RBM25: variants seen among roughly 807,000 people sequenced by gnomAD.
RBM25 encodes RNA-binding protein 25.
Under a neutral mutation model 120.7 loss-of-function variants are expected in RBM25, and 19 were observed. That is an observed-to-expected ratio of 0.16 (90% CI 0.11 to 0.23). The LOEUF (loss-of-function observed/expected upper bound fraction) is 0.23, where lower values mean the gene tolerates loss of function less well. Among genes scored for constraint, RBM25 ranks in the 10% least tolerant of loss-of-function variants. The probability of loss-of-function intolerance (pLI) is 1.00; values close to 1 mark genes in which losing one functional copy is unlikely to be tolerated. For synonymous variants in RBM25, 390 were observed against 326.7 expected, an observed-to-expected ratio of 1.19 and a Z score of -2.09; for missense variants, 605 against 1,041.5, an observed-to-expected ratio of 0.58 and a Z score of 5.77.
At chr14:73,068,409 T>G in intron 1 of RBM25, 1 of 639,494 alleles carries the variant, frequency 1.6e-6, no homozygotes, top group Non-Finnish European at 2.8e-6. Context: ...TTTTTTTGGT[T>G]CATTTACAGG....
intron 1 of RBM25, among the ~76,000 whole-genome samples, chr14:73,070,704 T>C (rs556304453): frequency 6.6e-6 from 1 of 152,170 alleles, no homozygotes; most frequent in African/African-American, 2.4e-5. Context: ...ATCCTAGCGC[T>C]TTGGGAAGCT....
At chr14:73,119,269 G>GTT (rs375862858) in intron 18 of RBM25, among the ~76,000 whole-genome samples, 1 of 151,382 alleles carries the variant, frequency 6.6e-6, no homozygotes, top group South Asian at 2.1e-4. Flanking sequence ...AAACTTTTTT[G>GTT]TTTTTTTTGT....
In RBM25 at chr14:73,112,105, T is replaced by A. The variant is rs113062319; in HGVS notation, c.2293-47T>A. The A allele has an allele frequency of 2.7e-6, 4 of 1,489,624 alleles. No individual in the cohort carries two copies. The South Asian group carries it at 3.6e-5, about 14-fold the overall frequency. The allele number at this position is 1,489,624 out of a possible 1,614,324, so 92.3% of individuals were successfully genotyped here. A position where few individuals can be genotyped will look rare whatever the true frequency, so the allele number is the denominator to read the frequency against. ...AATCATGAAGCTTTAATAACTGTTA[T>A]AGCAAGTTACAATTCTTTAATTCAG... is the stretch of plus-strand genomic sequence containing the variant. On this transcript the variant is annotated intron_variant, in intron 16 of 18. Transcript: ENST00000261973.
At chr14:73,109,642 G>A (rs1466421705) in intron 14 of RBM25, 150 bp downstream of exon 14, 2 of 700,486 alleles carry the variant, frequency 2.9e-6, no homozygotes, top group Non-Finnish European at 4.4e-6. Context: ...AAATACAAAA[G>A]ATTAGCCGGG....
intron 1 of RBM25, among the ~76,000 whole-genome samples, chr14:73,070,263 G>A (rs1307497426): frequency 6.6e-6 from 1 of 151,750 alleles, no homozygotes; most frequent in South Asian, 2.1e-4. Flanking sequence ...CGCCATGTTG[G>A]TGAGGCTGGT....
chr14:73,103,642 T>A (rs1896100267), intron 10 of RBM25, among the ~76,000 whole-genome samples, 164 bp downstream of exon 10: 1 of 152,110 alleles, frequency 6.6e-6, no homozygotes, highest in Non-Finnish European at 1.5e-5. Flanking sequence ...AATCTCCGCC[T>A]CCTGGGTTCA....
Position 73,087,993 on chromosome 14 carries a change from A to C in RBM25, c.383-8A>C. 3.7e-6 allele frequency: 6 copies of C among 1,601,908 alleles called. No individual in the cohort carries two copies. Among genetic ancestry groups the C allele is most frequent in the Non-Finnish European group, 5.1e-6 (6 of 1,176,702 alleles). On this transcript the variant is annotated splice_region_variant and splice_polypyrimidine_tract_variant and intron_variant, in intron 5 of 18. Transcript: ENST00000261973. Reference sequence around the variant, plus strand: ...GGTATTTCACTAATTGTTTTCATCCATTGCTAGCCTTCGGATTCTGTGAGT... The same window carrying C: ...GGTATTTCACTAATTGTTTTCATCCCTTGCTAGCCTTCGGATTCTGTGAGT...
In RBM25 at chr14:73,111,577, A is replaced by C. The variant is rs753041007; in HGVS notation, c.2067A>C (p.Leu689=). The C allele has an allele frequency of 6.2e-7, 1 of 1,613,438 alleles. No homozygotes were observed. Among genetic ancestry groups the C allele is most frequent in the Non-Finnish European group, 8.5e-7 (1 of 1,179,854 alleles). The change falls in exon 16 of 19, where the codon CTA becomes CTC. Residue 689 remains leucine, a synonymous_variant. Coordinates refer to ENST00000261973, the MANE Select transcript of RBM25 (RefSeq NM_021239.3). ...GQPNSVKRKK[L]PVDSVFNKFE... is the part of the protein sequence containing the mutation. The stretch of plus-strand genomic sequence containing the variant: ...CTAATTCTGTGAAGAGAAAGAAACT[A>C]CCTGTAGATAGTGTCTTTAACAAAT...
intron 1 of RBM25, chr14:73,069,715 T>C (rs1895228487): frequency 8.6e-6 from 1 of 115,972 alleles, no homozygotes; most frequent in Non-Finnish European, 1.6e-5. Context: ...ATTACAGGCA[T>C]GAGCCACCGT....
Position 73,105,810 on chromosome 14 carries a change from A to G in RBM25, c.1155-49A>G, listed in dbSNP as rs528835664. ...GTTGTCCTCCTTTACTTTGGTCTTG[A>G]AAACAGAAAGTAGACTGACAGATTT... On this transcript the variant is annotated intron_variant, in intron 10 of 18. Transcript: ENST00000261973. 3.8e-6 allele frequency: 6 copies of G among 1,585,162 alleles called. No individual in the cohort carries two copies. The African/African-American group carries it at 8.2e-5, about 22-fold the overall frequency.
chr14:73,081,458 G>A (rs1895562005), intron 4 of RBM25, among the ~76,000 whole-genome samples: 4 of 152,052 alleles, frequency 2.6e-5, no homozygotes, highest in Admixed American at 6.6e-5. Context: ...CCCTTTGTTC[G>A]TCTCATGTGT....
intron 18 of RBM25, among the ~76,000 whole-genome samples, chr14:73,118,944 T>C (rs1419497276): frequency 1.3e-5 from 2 of 151,890 alleles, no homozygotes; most frequent in Non-Finnish European, 2.9e-5. Flanking sequence ...AATTTTTGTA[T>C]TTTTAGTAGA....
chr14:73,066,765 C>A (rs1895145790), intron 1 of RBM25, among the ~76,000 whole-genome samples: 1 of 151,954 alleles, frequency 6.6e-6, no homozygotes, highest in African/African-American at 2.4e-5. Context: ...ATGGTATTAT[C>A]CCAATTTAAG....
At chr14:73,114,366 T>C (rs2158581) in intron 18 of RBM25, 33 bp downstream of exon 18, 265,302 of 1,501,092 alleles carry the variant, frequency 0.18, 24,775 homozygotes, top group Middle Eastern at 0.25. Flanking sequence ...TTATTTCTTT[T>C]AATTTAAAAA....
chr14:73,102,307 G>T (rs1896072520), intron 9 of RBM25: 1 of 152,096 alleles, frequency 6.6e-6, no homozygotes, highest in South Asian at 2.1e-4. Flanking sequence ...TACAAACTTG[G>T]TCTGACTTTG....
chr14:73,076,866 G>A (rs2140431497), intron 3 of RBM25, among the ~76,000 whole-genome samples: 1 of 152,314 alleles, frequency 6.6e-6, no homozygotes, highest in African/African-American at 2.4e-5. Flanking sequence ...GATCACCTGA[G>A]GCCAGGAGTT....
chr14:73,111,585 A>G lies in RBM25; in HGVS notation c.2075A>G (p.Asp692Gly), dbSNP rs1208267549. Residue 692 changes from aspartate to glycine, a missense_variant, in exon 16 of 19, where the codon GAT becomes GGT. Physicochemically the swap from Asp to Gly is moderately conservative, Grantham distance 94. Coordinates refer to ENST00000261973, the MANE Select transcript of RBM25 (RefSeq NM_021239.3). Reference sequence around the variant, plus strand: ...GTGAAGAGAAAGAAACTACCTGTAGATAGTGTCTTTAACAAATTTGAGGAT... The same window carrying G: ...GTGAAGAGAAAGAAACTACCTGTAGGTAGTGTCTTTAACAAATTTGAGGAT... ...NSVKRKKLPV[D>G]SVFNKFEDED... 6.2e-7 allele frequency: 1 copy of G among 1,613,890 alleles called. No individual in the cohort carries two copies. The highest frequency in any genetic ancestry group is 1.1e-5 in the South Asian group (1 of 91,048).
At chr14:73,087,648 G>A (rs1360015271) in intron 5 of RBM25, among the ~76,000 whole-genome samples, 1 of 152,096 alleles carries the variant, frequency 6.6e-6, no homozygotes, top group Non-Finnish European at 1.5e-5. Flanking sequence ...ACCCGCCTCG[G>A]CCTCCCAAAG....
At position 73,096,923 on chromosome 14, in the gene RBM25, G is replaced by A. The variant is rs1298916665; in HGVS notation, c.552G>A (p.Arg184=). The change falls in exon 7 of 19, where the codon AGG becomes AGA. Residue 184 remains arginine, a synonymous_variant. Transcript: ENST00000261973. Reference sequence around the variant, plus strand: ...TTGCTGTTTTGTTTAAGAATGCAAGGCCAGAAACTGTCACTAATGACGATG... The same window carrying A: ...TTGCTGTTTTGTTTAAGAATGCAAGACCAGAAACTGTCACTAATGACGATG... ...AKKKASNGNA[R]PETVTNDDEE... 3.7e-6 allele frequency: 6 copies of A among 1,611,286 alleles called. No individual in the cohort carries two copies. In the East Asian group the frequency reaches 1.3e-4, roughly 36 times the overall value.
Sources: allele counts gnomAD v4.1 joint callset (sites outside exome capture counted in the v4.1 genomes callset), GRCh38; gene constraint gnomAD v4.1.1; transcripts MANE v1.5; gene names NCBI Gene and HGNC (gene_info 2026-07-23, HGNC 2026-07-21).